The following ANTXR2 variants were observed in gnomAD, a reference collection of about 807,000 sequenced individuals.
ANTXR2 encodes ANTXR cell adhesion molecule 2.
ANTXR2 carries 44 observed loss-of-function variants against 73.7 expected under a neutral mutation model. The ratio of observed to expected loss-of-function variants is 0.60; its 90% CI spans 0.47 to 0.77. The LOEUF (loss-of-function observed/expected upper bound fraction) is 0.77, where lower values mean the gene tolerates loss of function less well. ANTXR2 is among the 30% of genes least tolerant of loss of function. The pLI is 0.00. For synonymous variants in ANTXR2, 217 were observed against 205.9 expected (o/e 1.05, Z -0.46); for missense variants, 604 against 592.5 (o/e 1.02, Z -0.20).
At chr4:79,922,542 T>C (rs533442547) in intron 16 of ANTXR2, among the ~76,000 whole-genome samples, 2 of 152,208 alleles carry the variant, frequency 1.3e-5, no homozygotes, top group African/African-American at 4.8e-5. Flanking sequence ...TACAAGCATA[T>C]AGATACATTC....
At chr4:79,993,407 A>G (rs1730565057) in intron 12 of ANTXR2, among the ~76,000 whole-genome samples, 1 of 151,820 alleles carries the variant, frequency 6.6e-6, no homozygotes, top group African/African-American at 2.4e-5. Flanking sequence ...AGGGAAGGAC[A>G]AAGGAAGAAG....
At chr4:79,907,943 G>A (rs958594020) in intron 16 of ANTXR2, among the ~76,000 whole-genome samples, 2 of 152,050 alleles carry the variant, frequency 1.3e-5, no homozygotes, top group Non-Finnish European at 2.9e-5. Flanking sequence ...CTTTTATGAA[G>A]GATTTTTGCA....
chr4:80,065,395 A>G lies in ANTXR2; in HGVS notation c.296+4041T>C, dbSNP rs530285165. ...TGTGTATACCTCTACTCACACACAC[A>G]CTAGATTACTTATCTTTGTGTTACC... is the stretch of plus-strand genomic sequence containing the variant. On this transcript the variant is annotated intron_variant, in intron 3 of 16. Coordinates refer to ENST00000403729, the MANE Select transcript of ANTXR2 (RefSeq NM_058172.6). 1.2e-4 allele frequency among the ~76,000 whole-genome samples: 18 copies of G among 152,228 alleles called. No individual in the cohort carries two copies. In the South Asian group the frequency reaches 2.3e-3, roughly 19 times the overall value.
intron 8 of ANTXR2, among the ~76,000 whole-genome samples, chr4:80,034,083 C>T (rs1732840947): frequency 6.6e-6 from 1 of 152,106 alleles, no homozygotes; most frequent in African/African-American, 2.4e-5. Context: ...CTTCACCTTA[C>T]TAATCCTGAT....
chr4:79,952,295 T>C (rs1306522500), intron 16 of ANTXR2, among the ~76,000 whole-genome samples: 2 of 151,648 alleles, frequency 1.3e-5, no homozygotes, highest in African/African-American at 4.8e-5. Context: ...GTTAATTGCA[T>C]TTTGCTTGCT....
At chr4:79,920,502 A>C (rs898781528) in intron 16 of ANTXR2, among the ~76,000 whole-genome samples, 1 of 152,128 alleles carries the variant, frequency 6.6e-6, no homozygotes, top group Non-Finnish European at 1.5e-5. Context: ...GAGGGCACAG[A>C]ATATCAGTAT....
intron 11 of ANTXR2, among the ~76,000 whole-genome samples, 152 bp from the exon 12 acceptor site, chr4:80,008,768 C>T (rs1038624827): frequency 6.6e-6 from 1 of 152,010 alleles, no homozygotes; most frequent in Admixed American, 6.5e-5. Context: ...TCTTGAAATT[C>T]TACAAATGTA....
intron 12 of ANTXR2, among the ~76,000 whole-genome samples, chr4:80,007,818 C>T (rs1434146649): frequency 6.6e-6 from 1 of 152,140 alleles, no homozygotes; most frequent in African/African-American, 2.4e-5. Flanking sequence ...ACATCCCTTC[C>T]AACACATTTT....
At chr4:80,058,477 C>T (rs1243396864) in intron 3 of ANTXR2, among the ~76,000 whole-genome samples, 1 of 152,020 alleles carries the variant, frequency 6.6e-6, no homozygotes, top group African/African-American at 2.4e-5. Flanking sequence ...TGAAGTCTGT[C>T]AGCCTCTTAT....
chr4:79,947,182 T>C (rs1169450380), intron 16 of ANTXR2, among the ~76,000 whole-genome samples: 1 of 152,170 alleles, frequency 6.6e-6, no homozygotes, highest in African/African-American at 2.4e-5. Flanking sequence ...AATTTAAGGC[T>C]AAATGAACCA....
At chr4:79,952,503 T>C (rs1578107156) in intron 16 of ANTXR2, among the ~76,000 whole-genome samples, 1 of 151,882 alleles carries the variant, frequency 6.6e-6, no homozygotes, top group South Asian at 2.1e-4. Flanking sequence ...ACCAAAAATT[T>C]AGAAAAGTCA....
intron 12 of ANTXR2, among the ~76,000 whole-genome samples, chr4:79,989,948 C>T (rs1022053784): frequency 6.6e-6 from 1 of 151,500 alleles, no homozygotes; most frequent in Admixed American, 6.6e-5. Flanking sequence ...CATGTTAAAA[C>T]TCTCAACAAA....
rs1726704567 is a variant in ANTXR2, at chr4:79,901,606, A to G, written c.*5823T>C. 1 of 150,758 alleles carries G rather than the reference A, an allele frequency of 6.6e-6. No homozygotes were observed. Among genetic ancestry groups the G allele is most frequent in the Admixed American group, 6.6e-5 (1 of 15,150 alleles). The allele number at this position is 150,758 out of a possible 1,614,324, so 9.3% of individuals were successfully genotyped here. A position where few individuals can be genotyped will look rare whatever the true frequency, so the allele number is the denominator to read the frequency against. On this transcript the variant is annotated 3_prime_UTR_variant, in exon 17 of 17. Transcript: ENST00000403729. ...GGGGGGTGGGGATGGTTTCAGGATA[A>G]TTCAAGTGGATTACATTTATTATGT...
intron 16 of ANTXR2, among the ~76,000 whole-genome samples, chr4:79,965,665 A>G (rs559940117): frequency 6.4e-4 from 97 of 152,336 alleles, no homozygotes; most frequent in African/African-American, 2.2e-3. Flanking sequence ...TTTGCAAGAT[A>G]TATTCACCAA....
At chr4:80,015,619 C>G (rs1285244537) in intron 11 of ANTXR2, among the ~76,000 whole-genome samples, 1 of 151,290 alleles carries the variant, frequency 6.6e-6, no homozygotes, top group East Asian at 1.9e-4. Flanking sequence ...TGTGATTTCT[C>G]AAGGCAATAA....
At chr4:79,913,810 TGAG>T (rs1727242211) in intron 16 of ANTXR2, among the ~76,000 whole-genome samples, 1 of 152,110 alleles carries the variant, frequency 6.6e-6, no homozygotes, top group African/African-American at 2.4e-5. Context: ...GGGTAGTGCA[TGAG>T]AAGGGAACAA....
intron 16 of ANTXR2, among the ~76,000 whole-genome samples, chr4:79,930,140 A>G (rs1406817387): frequency 6.6e-6 from 1 of 152,216 alleles, no homozygotes; most frequent in East Asian, 1.9e-4. Flanking sequence ...GGATACTTGT[A>G]TAGTTCTTTT....
chr4:79,964,586 C>G (rs929252984), intron 16 of ANTXR2: 1 of 152,246 alleles, frequency 6.6e-6, no homozygotes, highest in Non-Finnish European at 1.5e-5. Context: ...CCCACCGCAA[C>G]GGAGTCAAAC....
At chr4:79,975,091 CCA>C (rs1358038295) in intron 16 of ANTXR2, among the ~76,000 whole-genome samples, 2 of 152,140 alleles carry the variant, frequency 1.3e-5, no homozygotes, top group African/African-American at 4.8e-5. Context: ...CTTCTGAACC[CCA>C]GATTATCTAG....
Sources: gnomAD v4.1 joint callset for allele counts (sites outside exome capture counted in the v4.1 genomes callset) on GRCh38, gnomAD v4.1.1 for gene constraint, MANE v1.5 for transcripts, NCBI Gene and HGNC (gene_info 2026-07-23, HGNC 2026-07-21) for gene names.